Variants in DDX24 observed in about 807,000 individuals in gnomAD.
DDX24 encodes the protein DEAD-box helicase 24.
DDX24 carries 24 observed loss-of-function variants against 68.9 expected under a neutral mutation model. The observed-to-expected ratio is 0.35, with a 90% CI of 0.25 to 0.49. The LOEUF (loss-of-function observed/expected upper bound fraction) is 0.49. DDX24 is among the 20% of genes least tolerant of loss of function. DDX24 has a pLI of 0.99. For missense variants in DDX24, 989 were observed against 1,039.0 expected (o/e 0.95, Z 0.66); for synonymous variants, 395 against 385.2 (o/e 1.03, Z -0.30).
intron 2 of DDX24, among the ~76,000 whole-genome samples, chr14:94,067,564 A>G (rs1885729916): frequency 6.6e-6 from 1 of 152,232 alleles, no homozygotes; most frequent in Admixed American, 6.5e-5. Context: ...CAAAGGAAAG[A>G]ATTTTAAGAG....
chr14:94,076,304 G>A (rs553077721), intron 2 of DDX24, among the ~76,000 whole-genome samples: 23 of 152,238 alleles, frequency 1.5e-4, no homozygotes, highest in Middle Eastern at 3.4e-3. Flanking sequence ...ATAACATGGC[G>A]TAATCTCAAA....
chr14:94,055,360 C>T (rs768156244), intron 6 of DDX24, 176 bp from the exon 7 acceptor site: 14 of 647,700 alleles, frequency 2.2e-5, no homozygotes, highest in Non-Finnish European at 3.1e-5. Context: ...AAAATGTTCC[C>T]AGGTTTAGCC....
At position 94,057,864 on chromosome 14, in the gene DDX24, C is replaced by T. The variant is rs777703326; in HGVS notation, c.1947G>A (p.Arg649=). The T allele has an allele frequency of 6.2e-7, 1 of 1,613,936 alleles. No homozygotes were observed. The highest frequency in any genetic ancestry group is 1.1e-5 in the South Asian group (1 of 91,062). The part of the protein sequence containing the change: ...CVLLATDVAA[R]GLDIPKVQHV... ...GCTGGACTTTAGGAATATCCAGACC[C>T]CGAGCTGCCACATCTGTTGCCAAGA... The change falls in exon 6 of 9, where the codon CGG becomes CGA. Residue 649 remains arginine (R), a synonymous_variant. Coordinates refer to ENST00000621632, the MANE Select transcript of DDX24 (RefSeq NM_020414.4).
At chr14:94,066,212 T>G in intron 2 of DDX24, among the ~76,000 whole-genome samples, 1 of 152,124 alleles carries the variant, frequency 6.6e-6, no homozygotes, top group South Asian at 2.1e-4. Context: ...GTGAGGCCCA[T>G]GACTGCTGGC....
In DDX24 at chr14:94,060,256, C is replaced by T. The variant is rs1247148909; in HGVS notation, c.1755G>A (p.Gln585=). Reference sequence around the variant, plus strand: ...CAAACACTAAGCTGCGGCCTGGATACTGCATCAGGAAGTAGTACAAGTAGA... The same window carrying T: ...CAAACACTAAGCTGCGGCCTGGATATTGCATCAGGAAGTAGTACAAGTAGA... ...KDFYLYYFLM[Q]YPGRSLVFAN... Residue 585 remains glutamine, a synonymous_variant, in exon 5 of 9, where the codon CAG becomes CAA. Coordinates refer to ENST00000621632, the MANE Select transcript of DDX24 (RefSeq NM_020414.4). The T allele has an allele frequency of 2.5e-6, 4 of 1,614,200 alleles. No individual in the cohort carries two copies. The highest frequency in any genetic ancestry group is 3.4e-6 in the Non-Finnish European group (4 of 1,180,038).
chr14:94,076,432 C>CA (rs1444790558), intron 2 of DDX24, among the ~76,000 whole-genome samples: 1 of 152,044 alleles, frequency 6.6e-6, no homozygotes, highest in Non-Finnish European at 1.5e-5. Context: ...CCTGTAATCC[C>CA]AGCACTTTGG....
intron 8 of DDX24, among the ~76,000 whole-genome samples, chr14:94,052,724 C>A (rs984348361): frequency 3.9e-5 from 6 of 152,200 alleles, no homozygotes; most frequent in African/African-American, 1.4e-4. Context: ...CATTCTAACA[C>A]AGGCAGCCTG....
chr14:94,067,149 A>C (rs904162037), intron 2 of DDX24, among the ~76,000 whole-genome samples: 8 of 152,146 alleles, frequency 5.3e-5, no homozygotes, highest in African/African-American at 1.9e-4. Flanking sequence ...AAACAATAAA[A>C]AATTCAGGAA....
chr14:94,062,767 T>A, intron 2 of DDX24, 146 bp from the exon 3 acceptor site: 1 of 996,798 alleles, frequency 1.0e-6, no homozygotes, highest in Non-Finnish European at 1.4e-6. Context: ...TACACAGATT[T>A]CCCCAGAAGG....
intron 2 of DDX24, among the ~76,000 whole-genome samples, chr14:94,062,954 A>G (rs1268420414): frequency 2.6e-5 from 4 of 152,268 alleles, no homozygotes; most frequent in East Asian, 3.8e-4. Context: ...TAATCCATAC[A>G]ATACTTTCCC....
chr14:94,051,320 G>A lies in DDX24; in HGVS notation c.2451C>T (p.Pro817=), dbSNP rs552250777. The A allele has an allele frequency of 1.2e-4, 201 of 1,613,380 alleles. No homozygotes were observed. The South Asian group carries it at 1.5e-3, about 12-fold the overall frequency. The change falls in exon 9 of 9, where the codon CCC becomes CCT. Residue 817 remains proline (P), a synonymous_variant. Transcript: ENST00000621632. ...TKYPTQSGKP[P]LLVSAPSKSE... is the part of the protein sequence containing the mutation. ...TCTTACTTGGGGCAGACACAAGCAGGGGCGGCTTGCCAGACTGAGTGGGAT... is the reference window on the plus strand; with the variant it reads ...TCTTACTTGGGGCAGACACAAGCAGAGGCGGCTTGCCAGACTGAGTGGGAT...
At chr14:94,055,295 G>A in intron 6 of DDX24, 111 bp from the exon 7 acceptor site, 1 of 1,121,824 alleles carries the variant, frequency 8.9e-7, no homozygotes, top group Non-Finnish European at 1.3e-6. Flanking sequence ...CAGGCAGGTA[G>A]AAACTTCTGC....
intron 2 of DDX24, among the ~76,000 whole-genome samples, chr14:94,072,500 G>A (rs377764157): frequency 7.9e-5 from 12 of 152,196 alleles, no homozygotes; most frequent in East Asian, 1.9e-4. Context: ...ATGGTGTAGC[G>A]TATATTGCTC....
chr14:94,065,507 G>C (rs1408612943), intron 2 of DDX24, among the ~76,000 whole-genome samples: 1 of 152,150 alleles, frequency 6.6e-6, no homozygotes, highest in Non-Finnish European at 1.5e-5. Context: ...ACTGCAGACA[G>C]GAGGGAGGAC....
In DDX24 at chr14:94,050,521, C is replaced by T. The variant is rs1885368062; in HGVS notation, c.*670G>A. 6.6e-6 allele frequency: 1 copy of T among 152,358 alleles called. No homozygotes were observed. Among genetic ancestry groups the T allele is most frequent in the Non-Finnish European group, 1.5e-5 (1 of 68,178 alleles). 9.4% of individuals were successfully genotyped at this position (152,358 alleles called of 1,614,324 possible). On this transcript the variant is annotated 3_prime_UTR_variant, in exon 9 of 9. Transcript: ENST00000621632. The stretch of plus-strand genomic sequence containing the variant: ...TCTGTCAAACAGGAGGGAGTGGAGA[C>T]AAGGCTGGGGCTAGATCCTGAGGGC...
intron 8 of DDX24, among the ~76,000 whole-genome samples, chr14:94,052,723 A>T (rs1379807342): frequency 1.3e-5 from 2 of 152,198 alleles, no homozygotes; most frequent in Non-Finnish European, 2.9e-5. Flanking sequence ...GCATTCTAAC[A>T]CAGGCAGCCT....
At chr14:94,071,712 G>A (rs1404347700) in intron 2 of DDX24, among the ~76,000 whole-genome samples, 5 of 152,122 alleles carry the variant, frequency 3.3e-5, no homozygotes, top group African/African-American at 9.7e-5. Context: ...TTGGGAGGCC[G>A]AGATGGGCGG....
At chr14:94,056,117 G>C (rs1885486977) in intron 6 of DDX24, 1 of 152,272 alleles carries the variant, frequency 6.6e-6, no homozygotes, top group African/African-American at 2.4e-5. Context: ...CTCCACAAAG[G>C]TTGACCCAGC....
At chr14:94,080,069 G>C (rs993724115) in intron 1 of DDX24, among the ~76,000 whole-genome samples, 8 of 152,184 alleles carry the variant, frequency 5.3e-5, no homozygotes, top group African/African-American at 1.9e-4. Flanking sequence ...CTATAAAAAG[G>C]GGGGAGGGTA....
Sources: allele counts gnomAD v4.1 joint callset (sites outside exome capture counted in the v4.1 genomes callset), GRCh38; gene constraint gnomAD v4.1.1; transcripts MANE v1.5; gene names NCBI Gene and HGNC (gene_info 2026-07-23, HGNC 2026-07-21).